SPICE1: variants seen among roughly 807,000 people sequenced by gnomAD.
SPICE1 encodes spindle and centriole-associated protein 1.
Under a neutral mutation model 102.7 loss-of-function variants are expected in SPICE1, and 75 were observed. The ratio of observed to expected loss-of-function variants is 0.73; its 90% CI spans 0.61 to 0.88. The LOEUF (loss-of-function observed/expected upper bound fraction) is 0.88, where lower values mean the gene tolerates loss of function less well. Among genes scored for constraint, SPICE1 ranks in the 40% least tolerant of loss-of-function variants. The pLI, the probability that SPICE1 is intolerant of heterozygous loss-of-function variation, is 0.00. For missense variants in SPICE1, 979 were observed against 1,020.1 expected (o/e 0.96, Z 0.55); for synonymous variants, 308 against 350.3 (o/e 0.88, Z 1.35).
intron 5 of SPICE1, 70 bp from the exon 6 acceptor site, chr3:113,493,382 C>G: frequency 8.3e-7 from 1 of 1,212,090 alleles, no homozygotes. Context: ...CTCTATACTG[C>G]CATTGGTTTG....
chr3:113,458,224 G>A (rs116010301), intron 12 of SPICE1, among the ~76,000 whole-genome samples: 1,331 of 85,102 alleles, frequency 0.016, 25 homozygotes, highest in African/African-American at 0.042. Flanking sequence ...TCCCTCTCCC[G>A]TCTCCCTCTC....
At chr3:113,452,586 AG>A (rs979447560) in intron 14 of SPICE1, among the ~76,000 whole-genome samples, 4 of 152,216 alleles carry the variant, frequency 2.6e-5, no homozygotes, top group African/African-American at 9.7e-5. Context: ...TGGGAGGCTG[AG>A]GCAGCAGAAT....
intron 7 of SPICE1, among the ~76,000 whole-genome samples, chr3:113,478,719 G>A (rs550854671): frequency 1.3e-5 from 2 of 152,214 alleles, no homozygotes; most frequent in Admixed American, 1.3e-4. Context: ...GGATACAAAA[G>A]TATTCAACAA....
At position 113,453,871 on chromosome 3, in the gene SPICE1, C is replaced by A; in HGVS notation, c.1737G>T (p.Trp579Cys). ...TATCAATAGGTAAGGTCTTCTCTTCCCAATTTTGTTCCTTCTCAATTATTT... is the reference window on the plus strand; with the variant it reads ...TATCAATAGGTAAGGTCTTCTCTTCACAATTTTGTTCCTTCTCAATTATTT... ...TVEIIEKEQN[W>C]EEKTLPIDTD... The change falls in exon 14 of 18, where the codon TGG becomes TGT. Residue 579 changes from tryptophan (W) to cysteine (C), a missense_variant. Coordinates refer to ENST00000295872, the MANE Select transcript of SPICE1 (RefSeq NM_144718.4). The A allele has an allele frequency of 6.2e-7, 1 of 1,614,150 alleles. No individual in the cohort carries two copies. The highest frequency in any genetic ancestry group is 1.1e-5 in the South Asian group (1 of 91,074).
At chr3:113,472,165 A>G (rs6783387) in intron 7 of SPICE1, among the ~76,000 whole-genome samples, 48,426 of 152,110 alleles carry the variant, frequency 0.32, 9,081 homozygotes, top group African/African-American at 0.52. Context: ...TTACGCCCAC[A>G]GAGTCTCACT....
At chr3:113,495,549 G>A (rs1936863960) in intron 4 of SPICE1, among the ~76,000 whole-genome samples, 2 of 152,174 alleles carry the variant, frequency 1.3e-5, no homozygotes, top group African/African-American at 4.8e-5. Context: ...TGAGAGTCCA[G>A]TCCCAGTCAA....
chr3:113,478,351 A>G (rs144383566), intron 7 of SPICE1, among the ~76,000 whole-genome samples: 102 of 152,278 alleles, frequency 6.7e-4, no homozygotes, highest in Non-Finnish European at 1.1e-3. Context: ...TATATTAAAC[A>G]TCTAAAATAC....
chr3:113,475,909 A>C (rs1336141994), intron 7 of SPICE1, among the ~76,000 whole-genome samples: 1 of 152,190 alleles, frequency 6.6e-6, no homozygotes, highest in Non-Finnish European at 1.5e-5. Flanking sequence ...ACTCCTATTC[A>C]ACATAGTGTT....
At chr3:113,496,609 G>A (rs974969331) in intron 4 of SPICE1, among the ~76,000 whole-genome samples, 1 of 152,156 alleles carries the variant, frequency 6.6e-6, no homozygotes, top group Non-Finnish European at 1.5e-5. Flanking sequence ...CATGGCATGG[G>A]TACATCTTAC....
Position 113,514,103 on chromosome 3 carries a change from C to A in SPICE1, c.-1+794G>T, listed in dbSNP as rs529595263. ...GAAGCAGGGGAAAGAATATTCCAGG[C>A]AAGGGAAAATGCATTTACGAAGAGT... is the stretch of plus-strand genomic sequence containing the variant. On this transcript the variant is annotated intron_variant, in intron 1 of 17. Coordinates refer to ENST00000295872, the MANE Select transcript of SPICE1 (RefSeq NM_144718.4). 7.2e-5 allele frequency among the ~76,000 whole-genome samples: 11 copies of A among 152,200 alleles called. No individual in the cohort carries two copies. The South Asian group carries it at 8.3e-4, about 11-fold the overall frequency.
intron 4 of SPICE1, among the ~76,000 whole-genome samples, chr3:113,496,859 T>C (rs1936901584): frequency 6.6e-6 from 1 of 152,224 alleles, no homozygotes; most frequent in African/African-American, 2.4e-5. Context: ...AATTCTACTT[T>C]TAAGAATTTA....
At position 113,503,234 on chromosome 3, in the gene SPICE1, A is replaced by C. The variant is rs770971925; in HGVS notation, c.100-7T>G. On this transcript the variant is annotated splice_polypyrimidine_tract_variant and splice_region_variant and intron_variant, in intron 2 of 17. Transcript: ENST00000295872. ...TTAGATCAGTCACGGTATTCTGTAA[A>C]AAAAGGTGGCCTTTCTTTAAAAAAA... The C allele has an allele frequency of 1.3e-6, 2 of 1,571,316 alleles. No homozygotes were observed. Among genetic ancestry groups the C allele is most frequent in the East Asian group, 4.6e-5 (2 of 43,624 alleles).
intron 7 of SPICE1, among the ~76,000 whole-genome samples, chr3:113,483,073 T>C (rs1417418845): frequency 6.6e-6 from 1 of 152,208 alleles, no homozygotes; most frequent in Non-Finnish European, 1.5e-5. Context: ...TGTCGTCTCT[T>C]ATTTCCTTGA....
intron 7 of SPICE1, among the ~76,000 whole-genome samples, chr3:113,469,750 C>T (rs1483556162): frequency 6.6e-6 from 1 of 152,078 alleles, no homozygotes; most frequent in Non-Finnish European, 1.5e-5. Context: ...CATCTGCCTC[C>T]CAGTTTCCTA....
chr3:113,491,642 A>AT (rs1280360397), intron 6 of SPICE1, among the ~76,000 whole-genome samples: 3 of 150,448 alleles, frequency 2.0e-5, no homozygotes, highest in African/African-American at 7.4e-5. Context: ...AAAAAAAAAA[A>AT]AAAAAAAGAT....
intron 17 of SPICE1, 128 bp downstream of exon 17, chr3:113,446,461 C>T (rs1935515539): frequency 4.1e-6 from 3 of 737,842 alleles, no homozygotes; most frequent in Non-Finnish European, 6.8e-6. Flanking sequence ...ATTAGTATTT[C>T]TTTTCTTTTA....
At chr3:113,456,042 C>A (rs771239027) in intron 13 of SPICE1, among the ~76,000 whole-genome samples, 6 of 152,202 alleles carry the variant, frequency 3.9e-5, no homozygotes, top group Admixed American at 6.5e-5. Flanking sequence ...TGCCTCACAG[C>A]TAGTCAACAA....
intron 11 of SPICE1, among the ~76,000 whole-genome samples, chr3:113,465,013 G>C (rs1236628740): frequency 6.6e-6 from 1 of 151,952 alleles, no homozygotes; most frequent in Non-Finnish European, 1.5e-5. Flanking sequence ...GGCTAAGGTG[G>C]GAGGATCACT....
At position 113,468,246 on chromosome 3, in the gene SPICE1, G is replaced by C. The variant is rs147867421; in HGVS notation, c.1048C>G (p.Arg350Gly). The change falls in exon 10 of 18, where the codon CGG (arginine) becomes GGG (glycine). Residue 350 changes from arginine (R) to glycine (G), a missense_variant. Transcript: ENST00000295872. ...CCCTTGACCTCGCGACCTGTCCACC[G>C]CTCATATTCTTCCATTTCATGTTCC... ...EVEHEMEEYE[R>G]WTGREVKGLQ... 1 of 1,614,012 alleles carries C rather than the reference G, an allele frequency of 6.2e-7. No individual in the cohort carries two copies. Among genetic ancestry groups the C allele is most frequent in the African/African-American group, 1.3e-5 (1 of 74,998 alleles).
Sources: gnomAD v4.1 joint callset for allele counts (sites outside exome capture counted in the v4.1 genomes callset) on GRCh38, gnomAD v4.1.1 for gene constraint, MANE v1.5 for transcripts, NCBI Gene and HGNC (gene_info 2026-07-23, HGNC 2026-07-21) for gene names.